NCOR1: variants seen among roughly 807,000 people sequenced by gnomAD.
NCOR1 encodes the protein nuclear receptor corepressor 1, also known as protein phosphatase 1, regulatory subunit 109.
Under a neutral mutation model 288.1 loss-of-function variants are expected in NCOR1, and 63 were observed. The observed-to-expected ratio is 0.22, with a 90% CI of 0.18 to 0.27. The LOEUF (loss-of-function observed/expected upper bound fraction) is 0.27, where lower values mean the gene tolerates loss of function less well. NCOR1 is among the 10% of genes least tolerant of loss of function. NCOR1 has a pLI of 1.00. For missense variants in NCOR1, 2,397 were observed against 3,019.2 expected (o/e 0.79, Z 4.83); for synonymous variants, 1,007 against 1,065.9 (o/e 0.94, Z 1.08).
chr17:16,068,371 C>T, intron 31 of NCOR1: 1 of 429,230 alleles, frequency 2.3e-6, no homozygotes, highest in Non-Finnish European at 4.2e-6. Flanking sequence ...ATTTTACCAC[C>T]TTATGTAACA....
chr17:16,091,713 T>C, intron 22 of NCOR1, 150 bp downstream of exon 22: 1 of 1,468,408 alleles, frequency 6.8e-7, no homozygotes, highest in Non-Finnish European at 9.0e-7. Flanking sequence ...CTTCATAGTT[T>C]AAGGTCAATT....
chr17:16,057,565 C>A lies in NCOR1; in HGVS notation c.6341G>T (p.Arg2114Ile), dbSNP rs188579879. ...ESQAQSVHHQ[R>I]PGSRVSPENL... Reference sequence around the variant, plus strand: ...TTCTGGAGAGACCCTTGAACCTGGTCTTTGATGATGGACAGACTGAGCCTG... The same window carrying A: ...TTCTGGAGAGACCCTTGAACCTGGTATTTGATGATGGACAGACTGAGCCTG... Residue 2114 changes from arginine (R) to isoleucine (I), a missense_variant, in exon 40 of 46, where the codon AGA becomes ATA. Coordinates refer to ENST00000268712, the MANE Select transcript of NCOR1 (RefSeq NM_006311.4). 14 of 1,614,136 alleles carry A rather than the reference C, an allele frequency of 8.7e-6. No homozygotes were observed. Among genetic ancestry groups the A allele is most frequent in the Non-Finnish European group, 1.2e-5 (14 of 1,180,036 alleles).
chr17:16,213,326 A>G (rs2092304194), intron 1 of NCOR1, among the ~76,000 whole-genome samples: 1 of 150,370 alleles, frequency 6.7e-6, no homozygotes, highest in Admixed American at 6.7e-5. Flanking sequence ...CCCCGTCTCT[A>G]CTCAAAGTAC....
intron 21 of NCOR1, among the ~76,000 whole-genome samples, chr17:16,093,660 T>G (rs1405133545): frequency 2.0e-5 from 3 of 152,204 alleles, no homozygotes; most frequent in Admixed American, 6.5e-5. Context: ...GTAAGTAGTA[T>G]TATTCACTGA....
At position 16,134,117 on chromosome 17, in the gene NCOR1, T is replaced by C. The variant is rs570338579; in HGVS notation, c.1509+3194A>G. On this transcript the variant is annotated intron_variant, in intron 14 of 45. Coordinates refer to ENST00000268712, the MANE Select transcript of NCOR1 (RefSeq NM_006311.4). ...AACCCCAGTGGCTTCTTCTCTCACC[T>C]GGTATCAGCTCAAAAGGCCTTCAGT... Among the ~76,000 whole-genome samples, 633 of 152,344 alleles carry C rather than the reference T, an allele frequency of 4.2e-3. 7 individuals carry two copies. Among genetic ancestry groups the C allele is most frequent in the African/African-American group, 0.015 (608 of 41,588 alleles).
At chr17:16,129,684 G>C (rs2075303653) in intron 14 of NCOR1, among the ~76,000 whole-genome samples, 1 of 152,168 alleles carries the variant, frequency 6.6e-6, no homozygotes, top group African/African-American at 2.4e-5. Context: ...CTCTGAACCA[G>C]TAAGATGGCA....
chr17:16,054,415 A>G (rs1351696875), intron 40 of NCOR1, among the ~76,000 whole-genome samples: 2 of 152,154 alleles, frequency 1.3e-5, no homozygotes, highest in African/African-American at 4.8e-5. Flanking sequence ...TGTGCCTGTA[A>G]TCCCAGCTAC....
chr17:16,082,274 A>T (rs1259418840), intron 23 of NCOR1, among the ~76,000 whole-genome samples: 1 of 152,228 alleles, frequency 6.6e-6, no homozygotes, highest in African/African-American at 2.4e-5. Context: ...ACCAAAAATT[A>T]TAAGATACGC....
chr17:16,181,053 AGAGGCT>A (rs1347206787), intron 3 of NCOR1, among the ~76,000 whole-genome samples: 9 of 151,984 alleles, frequency 5.9e-5, no homozygotes, highest in Admixed American at 1.3e-4. Context: ...CAGCTACTCC[AGAGGCT>A]GAGGCAGGAG....
chr17:16,070,242 G>A lies in NCOR1; in HGVS notation c.4436C>T (p.Thr1479Ile). 6.2e-7 allele frequency: 1 copy of A among 1,613,980 alleles called. No individual in the cohort carries two copies. Among genetic ancestry groups the A allele is most frequent in the Non-Finnish European group, 8.5e-7 (1 of 1,179,998 alleles). ...ACTCACAGGGGTCCTCCGTGCACTG[G>A]TGTCATCATAAATCCCAGGGCTCAG... ...AQLSPGIYDD[T>I]SARRTPVSYQ... The change falls in exon 31 of 46, where the codon ACC (threonine) becomes ATC (isoleucine). Residue 1479 changes from threonine (T) to isoleucine (I), a missense_variant. Physicochemically the swap from Thr to Ile is moderately conservative, Grantham distance 89 (BLOSUM62 -1). Transcript: ENST00000268712.
intron 42 of NCOR1, among the ~76,000 whole-genome samples, chr17:16,043,079 A>C (rs1264237305): frequency 6.6e-6 from 1 of 152,230 alleles, no homozygotes; most frequent in Non-Finnish European, 1.5e-5. Context: ...CCAGAGAAGT[A>C]GAGAAGAAAC....
intron 37 of NCOR1, among the ~76,000 whole-genome samples, chr17:16,059,075 A>G (rs1033520221): frequency 1.3e-5 from 2 of 151,036 alleles, no homozygotes; most frequent in African/African-American, 4.9e-5. Flanking sequence ...AAAAAAAAAA[A>G]AGACATGTTT....
At chr17:16,095,885 AG>A (rs1002046984) in intron 21 of NCOR1, among the ~76,000 whole-genome samples, 19 of 152,080 alleles carry the variant, frequency 1.2e-4, no homozygotes, top group African/African-American at 4.1e-4. Context: ...GGAATAGAAA[AG>A]GGGGCAAGGT....
In NCOR1 at chr17:16,157,883, T is replaced by G. The variant is rs79403135; in HGVS notation, c.732+877A>C. ...TGATTCATAGAATTCATGCCTGGTG[T>G]TTCTGAATCCATGAATATTTTTAAT... is the stretch of plus-strand genomic sequence containing the variant. On this transcript the variant is annotated intron_variant, in intron 6 of 45. Transcript: ENST00000268712. Among the ~76,000 whole-genome samples the G allele has an allele frequency of 5.8e-3, 883 of 150,986 alleles. 12 individuals are homozygous for G. Among genetic ancestry groups the G allele is most frequent in the Non-Finnish European group, 0.01 (706 of 67,470 alleles).
intron 40 of NCOR1, among the ~76,000 whole-genome samples, chr17:16,050,562 G>A (rs889351541): frequency 2.0e-5 from 3 of 152,212 alleles, no homozygotes; most frequent in African/African-American, 4.8e-5. Context: ...GCATATGAAA[G>A]CCACCTGTGA....
Position 16,215,516 on chromosome 17 carries a change from T to C in NCOR1, c.-225A>G. On this transcript the variant is annotated 5_prime_UTR_variant, in exon 1 of 46. Transcript: ENST00000268712. ...CCGCCGCGGCTGCTGCTTCGCCACC[T>C]TGGCCGCCATCTTGACTCAACCCCT... The C allele has an allele frequency of 2.5e-6, 1 of 398,794 alleles. No individual in the cohort carries two copies. The highest frequency in any genetic ancestry group is 4.4e-6 in the Non-Finnish European group (1 of 226,352). The allele number at this position is 398,794 out of a possible 1,614,324, so 24.7% of individuals were successfully genotyped here.
chr17:16,096,977 A>G (rs1262211979), intron 21 of NCOR1, among the ~76,000 whole-genome samples: 1 of 152,254 alleles, frequency 6.6e-6, no homozygotes, highest in Non-Finnish European at 1.5e-5. Context: ...GGCACCTGCT[A>G]AGTATACCTG....
At chr17:16,048,467 C>G (rs904449706) in intron 41 of NCOR1, among the ~76,000 whole-genome samples, 1 of 151,938 alleles carries the variant, frequency 6.6e-6, no homozygotes, top group African/African-American at 2.4e-5. Context: ...GGGTTGGGGT[C>G]ACGGTTAGAA....
At chr17:16,071,206 A>G (rs979411200) in intron 30 of NCOR1, among the ~76,000 whole-genome samples, 7 of 151,794 alleles carry the variant, frequency 4.6e-5, no homozygotes, top group Non-Finnish European at 8.8e-5. Flanking sequence ...TGAGCCCAGG[A>G]GGTCAAGGCT....
Sources: gnomAD v4.1 joint callset for allele counts (sites outside exome capture counted in the v4.1 genomes callset) on GRCh38, gnomAD v4.1.1 for gene constraint, MANE v1.5 for transcripts, NCBI Gene and HGNC (gene_info 2026-07-23, HGNC 2026-07-21) for gene names.